The following ZP3 variants were observed in gnomAD, a reference collection of about 807,000 sequenced individuals.
The protein encoded by ZP3 is zona pellucida glycoprotein 3.
Under a neutral mutation model 35.6 loss-of-function variants are expected in ZP3, and 21 were observed. The observed-to-expected ratio is 0.59, with a 90% CI of 0.42 to 0.85. ZP3 has a LOEUF of 0.85. Among genes scored for constraint, ZP3 ranks in the 40% least tolerant of loss-of-function variants. The pLI, the probability that ZP3 is intolerant of heterozygous loss-of-function variation, is 0.00. For synonymous variants in ZP3, 207 were observed against 214.5 expected (o/e 0.96, Z 0.31); for missense variants, 437 against 536.5 (o/e 0.81, Z 1.83).
At chr7:76,404,519 T>C (rs1804937463) in intron 1 of ZP3, 1 of 1,606,716 alleles carries the variant, frequency 6.2e-7, no homozygotes, top group Non-Finnish European at 8.5e-7. Context: ...AAATTAAAGA[T>C]CCCAAATGTT....
At chr7:76,402,182 AT>A (rs57389874) in intron 1 of ZP3, among the ~76,000 whole-genome samples, 7,066 of 127,150 alleles carry the variant, frequency 0.056, 472 homozygotes, top group African/African-American at 0.18. Flanking sequence ...CTGCCCAGCT[AT>A]TTTTTTTTTT....
chr7:76,427,782 C>G (rs1805710457), intron 1 of ZP3, among the ~76,000 whole-genome samples: 1 of 152,130 alleles, frequency 6.6e-6, no homozygotes, highest in South Asian at 2.1e-4. Flanking sequence ...AGGCTCAAGC[C>G]ATCCTCCTGC....
chr7:76,400,987 A>G, intron 1 of ZP3: 1 of 1,550,988 alleles, frequency 6.4e-7, no homozygotes, highest in Non-Finnish European at 8.7e-7. Context: ...AGGGTGAGGA[A>G]GGGCGGGGTG....
At chr7:76,418,534 G>A (rs1310554389) in intron 1 of ZP3, among the ~76,000 whole-genome samples, 1 of 128,980 alleles carries the variant, frequency 7.8e-6, no homozygotes, top group Non-Finnish European at 1.6e-5. Context: ...CTGGGCCACG[G>A]AGCGAGATTT....
At chr7:76,433,881 TAG>T in intron 4 of ZP3, 155 bp from the exon 5 acceptor site, 1 of 1,026,012 alleles carries the variant, frequency 9.7e-7, no homozygotes, top group Non-Finnish European at 1.4e-6. Flanking sequence ...GTATTTTTAG[TAG>T]AGACAAGGTT....
intron 1 of ZP3, among the ~76,000 whole-genome samples, chr7:76,411,264 T>C (rs556679434): frequency 6.6e-6 from 1 of 152,208 alleles, no homozygotes; most frequent in South Asian, 2.1e-4. Context: ...AGCTCTCGTC[T>C]TTCCCATTAA....
At chr7:76,407,673 C>G (rs1225311594) in intron 1 of ZP3, among the ~76,000 whole-genome samples, 1 of 152,016 alleles carries the variant, frequency 6.6e-6, no homozygotes, top group African/African-American at 2.4e-5. Flanking sequence ...TTCAAGGCTG[C>G]AGTTAGCCAT....
intron 5 of ZP3, among the ~76,000 whole-genome samples, chr7:76,438,096 G>C (rs2530650): frequency 1.8e-4 from 28 of 152,316 alleles, no homozygotes; most frequent in Non-Finnish European, 3.2e-4. Flanking sequence ...GCTTCTGCTG[G>C]AAGGTGGCAG....
At chr7:76,423,021 G>GAAAGAAAGAA (rs760922020), upstream of ZP3, among the ~76,000 whole-genome samples, 161 of 72,766 alleles carry the variant, frequency 2.2e-3, no homozygotes, top group Non-Finnish European at 3.2e-3. Context: ...GAGAGAGAGA[G>GAAAGAAAGAA]AGAGAGAAAG....
rs184607003 is a variant in ZP3, at chr7:76,401,275, G to A, written c.-67+3478G>A. Among the ~76,000 whole-genome samples the A allele has an allele frequency of 2.4e-3, 365 of 152,266 alleles. 2 individuals are homozygous for A. Among genetic ancestry groups the A allele is most frequent in the Non-Finnish European group, 4.0e-3 (275 of 68,030 alleles). ...GGCCAACCTAGAGAGATCTGCGGGT[G>A]TAAATCTGTAGATCTGCACATCTCA... On this transcript the variant is annotated intron_variant, in intron 1 of 8. Transcript: ENST00000336517.
At chr7:76,411,995 C>A (rs572344074) in intron 1 of ZP3, among the ~76,000 whole-genome samples, 5 of 152,000 alleles carry the variant, frequency 3.3e-5, no homozygotes, top group African/African-American at 1.2e-4. Context: ...GAATTTGAGA[C>A]CATCCTGGGA....
At chr7:76,405,935 C>T (rs1050764987) in intron 1 of ZP3, among the ~76,000 whole-genome samples, 7 of 151,358 alleles carry the variant, frequency 4.6e-5, no homozygotes, top group African/African-American at 1.7e-4. Context: ...TTTCTTGCCT[C>T]CCTCCCTTTC....
chr7:76,402,017 C>A (rs762545414), intron 1 of ZP3, among the ~76,000 whole-genome samples: 29 of 151,760 alleles, frequency 1.9e-4, no homozygotes, highest in Non-Finnish European at 3.5e-4. Flanking sequence ...CTACTTCATT[C>A]TTCTTCTTCT....
intron 1 of ZP3, among the ~76,000 whole-genome samples, chr7:76,411,612 A>G (rs1295578283): frequency 6.6e-6 from 1 of 152,056 alleles, no homozygotes; most frequent in East Asian, 1.9e-4. Flanking sequence ...CCACCCACCT[A>G]TGAGAATGGT....
upstream of ZP3, among the ~76,000 whole-genome samples, chr7:76,422,316 C>T (rs914869021): frequency 3.3e-5 from 5 of 152,174 alleles, no homozygotes; most frequent in Admixed American, 6.6e-5. Context: ...CTCTCACTCC[C>T]AGGGACCTGA....
At chr7:76,397,883 C>T (rs760490622) in intron 1 of ZP3, 9 of 1,456,850 alleles carry the variant, frequency 6.2e-6, no homozygotes, top group Middle Eastern at 1.9e-4. Flanking sequence ...CCTCTGCCCC[C>T]GTCCGCACCG....
rs776999332 is a variant in ZP3, at chr7:76,429,638, G to A, written c.431+5G>A. The A allele has an allele frequency of 1.9e-6, 3 of 1,612,772 alleles. No homozygotes were observed. Among genetic ancestry groups the A allele is most frequent in the Non-Finnish European group, 2.5e-6 (3 of 1,178,874 alleles). ...CATCGAGTGCCGCTACCCCAGGTCG[G>A]TGTGGGACTGACTCATGGCCCCTGG... On this transcript the variant is annotated splice_donor_5th_base_variant and intron_variant, in intron 2 of 7. Transcript: ENST00000394857.
upstream of ZP3, among the ~76,000 whole-genome samples, chr7:76,421,392 C>T (rs1805501155): frequency 6.6e-6 from 1 of 151,932 alleles, no homozygotes; most frequent in Admixed American, 6.6e-5. Flanking sequence ...GTAGCTAGGA[C>T]TACAGGTGTG....
chr7:76,420,004 G>C (rs1404962854), upstream of ZP3, among the ~76,000 whole-genome samples: 1 of 151,648 alleles, frequency 6.6e-6, no homozygotes, highest in Non-Finnish European at 1.5e-5. Context: ...GTTTCTCCAT[G>C]TTGGCCAGGC....
Sources: allele counts gnomAD v4.1 joint callset (sites outside exome capture counted in the v4.1 genomes callset), GRCh38; gene constraint gnomAD v4.1.1; transcripts MANE v1.5; gene names NCBI Gene and HGNC (gene_info 2026-07-23, HGNC 2026-07-21).